The following WDR27 variants were observed in gnomAD, a reference collection of about 807,000 sequenced individuals.
WDR27 encodes the protein WD repeat-containing protein 27.
A neutral mutation model predicts 114.4 loss-of-function variants in WDR27; 100 were observed. That is an observed-to-expected ratio of 0.87 (90% CI 0.74 to 1.03). WDR27 has a LOEUF of 1.03. Ranked by LOEUF, WDR27 falls within the 50% of genes least tolerant of loss-of-function variation. The pLI is 0.00. For synonymous variants in WDR27, 449 were observed against 423.1 expected (o/e 1.06, Z -0.75); for missense variants, 1,129 against 1,092.9 (o/e 1.03, Z -0.47).
At chr6:169,490,064 C>T (rs1340808903) in intron 25 of WDR27, among the ~76,000 whole-genome samples, 1 of 152,202 alleles carries the variant, frequency 6.6e-6, no homozygotes, top group Non-Finnish European at 1.5e-5. Context: ...AGGACATGGA[C>T]CCGTAGGCTT....
chr6:169,497,412 G>A (rs957970353), intron 25 of WDR27, among the ~76,000 whole-genome samples: 7 of 152,028 alleles, frequency 4.6e-5, no homozygotes, highest in Non-Finnish European at 2.9e-5. Context: ...TAGGCAAGTT[G>A]GACTTCGTGA....
intron 5 of WDR27, among the ~76,000 whole-genome samples, chr6:169,667,678 T>C (rs1828234694): frequency 6.6e-6 from 1 of 152,242 alleles, no homozygotes; most frequent in Non-Finnish European, 1.5e-5. Context: ...TCTTCTGCTC[T>C]GGGCCTGGGA....
chr6:169,466,781 C>T (rs1299943706), intron 25 of WDR27, among the ~76,000 whole-genome samples: 1 of 152,164 alleles, frequency 6.6e-6, no homozygotes, highest in Admixed American at 6.5e-5. Context: ...CCGGCTCCTC[C>T]CAAATCTCAT....
In WDR27 at chr6:169,660,878, G is replaced by A. The variant is rs978319785; in HGVS notation, c.1026-112C>T. The A allele has an allele frequency of 1.2e-5, 10 of 859,522 alleles. No homozygotes were observed. In the African/African-American group the frequency reaches 1.7e-4, roughly 15 times the overall value. The allele number at this position is 859,522 out of a possible 1,614,324, so 53.2% of individuals were successfully genotyped here. On this transcript the variant is annotated intron_variant, in intron 9 of 25. Coordinates refer to ENST00000448612, the MANE Select transcript of WDR27 (RefSeq NM_182552.5). Reference sequence around the variant, plus strand: ...GCTCTCCGCAGGAGTGGGGAGTGTGGGCGTTGGGCCCCACGTGCGCCCCCT... The same window carrying A: ...GCTCTCCGCAGGAGTGGGGAGTGTGAGCGTTGGGCCCCACGTGCGCCCCCT...
At chr6:169,530,064 G>A (rs11968768) in intron 25 of WDR27, among the ~76,000 whole-genome samples, 6,724 of 152,234 alleles carry the variant, frequency 0.044, 404 homozygotes, top group African/African-American at 0.14. Context: ...ACATTCCTGC[G>A]ATGTGACCGC....
intron 22 of WDR27, among the ~76,000 whole-genome samples, chr6:169,610,255 C>T (rs907817483): frequency 3.3e-5 from 5 of 152,192 alleles, no homozygotes; most frequent in Admixed American, 6.5e-5. Flanking sequence ...CAGCAGCACC[C>T]CACTCTACTG....
chr6:169,620,873 C>A (rs950863041), intron 21 of WDR27, among the ~76,000 whole-genome samples: 9 of 152,094 alleles, frequency 5.9e-5, no homozygotes, highest in Non-Finnish European at 1.3e-4. Flanking sequence ...TAGACATAGA[C>A]CTGCTCCTCC....
At chr6:169,665,153 G>C (rs2128282553) in intron 7 of WDR27, 1 of 1,050,616 alleles carries the variant, frequency 9.5e-7, no homozygotes, top group South Asian at 4.0e-5. Context: ...GGCGCGGGCA[G>C]CACCCGTGGG....
At chr6:169,587,393 A>C (rs962165524) in intron 23 of WDR27, among the ~76,000 whole-genome samples, 1 of 151,766 alleles carries the variant, frequency 6.6e-6, no homozygotes, top group Admixed American at 6.6e-5. Flanking sequence ...TAGTTTTTGT[A>C]TTTTTAATAG....
intron 25 of WDR27, among the ~76,000 whole-genome samples, chr6:169,532,924 T>A (rs1314713978): frequency 6.6e-6 from 1 of 151,546 alleles, no homozygotes; most frequent in Non-Finnish European, 1.5e-5. Flanking sequence ...TTGATAGCAA[T>A]CCAGCACCTA....
At chr6:169,681,200 A>G (rs1473363214) in intron 2 of WDR27, among the ~76,000 whole-genome samples, 2 of 152,264 alleles carry the variant, frequency 1.3e-5, no homozygotes, top group African/African-American at 4.8e-5. Context: ...ACTCAATAAT[A>G]AAGAAGAATG....
chr6:169,679,385 T>C (rs1780880360), intron 2 of WDR27, among the ~76,000 whole-genome samples: 1 of 152,168 alleles, frequency 6.6e-6, no homozygotes, highest in Non-Finnish European at 1.5e-5. Context: ...ATGATTATAT[T>C]TTGCAATGTG....
intron 25 of WDR27, among the ~76,000 whole-genome samples, chr6:169,546,691 G>C (rs2128098880): frequency 6.6e-6 from 1 of 152,252 alleles, no homozygotes; most frequent in African/African-American, 2.4e-5. Flanking sequence ...CTCAAGCAAA[G>C]CTTAGCATGG....
chr6:169,607,657 A>G (rs929876625), intron 22 of WDR27, among the ~76,000 whole-genome samples: 1 of 152,186 alleles, frequency 6.6e-6, no homozygotes, highest in African/African-American at 2.4e-5. Flanking sequence ...TGCAGGAAGA[A>G]AAATTATTTA....
the WDR27 span, among the ~76,000 whole-genome samples, chr6:169,441,968 T>C: frequency 6.6e-6 from 1 of 152,160 alleles, no homozygotes; most frequent in African/African-American, 2.4e-5. Flanking sequence ...ATCACATAGG[T>C]TCTATTTTTA....
At chr6:169,664,502 A>G in intron 7 of WDR27, 1 of 1,407,860 alleles carries the variant, frequency 7.1e-7, no homozygotes, top group African/African-American at 1.4e-5. Flanking sequence ...CACGGCTGGC[A>G]CATCAGCTCA....
In WDR27 at chr6:169,652,074, A is replaced by G. The variant is rs577820542; in HGVS notation, c.1403-66T>C. The G allele has an allele frequency of 1.5e-4, 206 of 1,407,592 alleles. 1 individual carries two copies. The South Asian group carries it at 2.2e-3, about 15-fold the overall frequency. The allele number at this position is 1,407,592 out of a possible 1,614,324, so 87.2% of individuals were successfully genotyped here. A position where few individuals can be genotyped will look rare whatever the true frequency, so the allele number is the denominator to read the frequency against. The stretch of plus-strand genomic sequence containing the variant: ...ATTAGCATCTCATGATGGACATGAG[A>G]AGAACAGAGTCTCTTCAAAACAGAA... On this transcript the variant is annotated intron_variant, in intron 13 of 25. Coordinates refer to ENST00000448612, the MANE Select transcript of WDR27 (RefSeq NM_182552.5).
the WDR27 span, among the ~76,000 whole-genome samples, chr6:169,447,775 C>A: frequency 6.6e-6 from 1 of 152,216 alleles, no homozygotes; most frequent in South Asian, 2.1e-4. Flanking sequence ...AAATTATTTT[C>A]TTCCAAGAAT....
At chr6:169,550,522 C>G (rs1797960034) in intron 25 of WDR27, among the ~76,000 whole-genome samples, 1 of 151,944 alleles carries the variant, frequency 6.6e-6, no homozygotes, top group African/African-American at 2.4e-5. Context: ...TGGGTTCAAG[C>G]AATTCTCCTG....
Sources: gnomAD v4.1 joint callset for allele counts (sites outside exome capture counted in the v4.1 genomes callset) on GRCh38, gnomAD v4.1.1 for gene constraint, MANE v1.5 for transcripts, NCBI Gene and HGNC (gene_info 2026-07-23, HGNC 2026-07-21) for gene names.